Variants in METTL25 observed in about 807,000 individuals in gnomAD.
METTL25 encodes the protein probable methyltransferase-like protein 25.
A neutral mutation model predicts 71.6 loss-of-function variants in METTL25; 64 were observed. That is an observed-to-expected ratio of 0.89 (90% confidence interval 0.73 to 1.10). METTL25 has a LOEUF of 1.10. METTL25 is among the 50% of genes least tolerant of loss of function. The pLI is 0.00. For missense variants in METTL25, 807 were observed against 707.0 expected (o/e 1.14, Z -1.60); for synonymous variants, 287 against 250.3 (o/e 1.15, Z -1.38).
chr12:82,378,658 C>T (rs1201106152), intron 1 of METTL25, among the ~76,000 whole-genome samples: 1 of 152,116 alleles, frequency 6.6e-6, no homozygotes, highest in Non-Finnish European at 1.5e-5. Context: ...CTCAAAATCC[C>T]TTATTAGTAA....
chr12:82,384,900 C>CA (rs1381908963), intron 1 of METTL25, among the ~76,000 whole-genome samples: 1 of 152,108 alleles, frequency 6.6e-6, no homozygotes, highest in Non-Finnish European at 1.5e-5. Flanking sequence ...TACAAAATTG[C>CA]TGCCTTGGAG....
chr12:82,441,965 T>TAGG (rs1184414185), intron 8 of METTL25, among the ~76,000 whole-genome samples: 1 of 151,804 alleles, frequency 6.6e-6, no homozygotes, highest in African/African-American at 2.4e-5. Context: ...TAAGGCTGAG[T>TAGG]AGGAAACTAG....
intron 9 of METTL25, among the ~76,000 whole-genome samples, chr12:82,470,260 A>G (rs1892493778): frequency 6.6e-6 from 1 of 152,216 alleles, no homozygotes; most frequent in East Asian, 1.9e-4. Flanking sequence ...CAGTGAACCC[A>G]GGTTTTTATT....
chr12:82,413,081 C>A (rs910170422), intron 5 of METTL25, among the ~76,000 whole-genome samples: 4 of 151,902 alleles, frequency 2.6e-5, no homozygotes, highest in Admixed American at 2.6e-4. Context: ...TAATTCTTTT[C>A]GGTGACTCTC....
chr12:82,414,897 C>T (rs1177029154), intron 5 of METTL25, among the ~76,000 whole-genome samples: 1 of 152,036 alleles, frequency 6.6e-6, no homozygotes, highest in Non-Finnish European at 1.5e-5. Context: ...CATTATCATC[C>T]ATCTGACACA....
chr12:82,375,654 T>C (rs1883768290), intron 1 of METTL25, among the ~76,000 whole-genome samples: 1 of 152,214 alleles, frequency 6.6e-6, no homozygotes, highest in Non-Finnish European at 1.5e-5. Context: ...CTCTGGGCAG[T>C]AGGCTGAATT....
rs1881349711 is a variant in METTL25, at chr12:82,358,839, A to G, written c.259+15A>G. On this transcript the variant is annotated intron_variant, in intron 1 of 11. Coordinates refer to ENST00000248306, the MANE Select transcript of METTL25 (RefSeq NM_032230.3). Reference sequence around the variant, plus strand: ...GTGGGAAGCAGGTGGGTGGTGGGGTAGGCGGGGCGGGAAGGGAGGCGGAGG... The same window carrying G: ...GTGGGAAGCAGGTGGGTGGTGGGGTGGGCGGGGCGGGAAGGGAGGCGGAGG... 6.7e-7 allele frequency: 1 copy of G among 1,500,514 alleles called. No homozygotes were observed. The allele number at this position is 1,500,514 out of a possible 1,614,324, so 92.9% of individuals were successfully genotyped here. A position where few individuals can be genotyped will look rare whatever the true frequency, so the allele number is the denominator to read the frequency against.
chr12:82,381,423 T>C (rs1241331908), intron 1 of METTL25, among the ~76,000 whole-genome samples: 4 of 152,238 alleles, frequency 2.6e-5, no homozygotes, highest in Non-Finnish European at 5.9e-5. Context: ...CATGTCAATA[T>C]CTTGTTAATT....
At chr12:82,416,671 G>T (rs1279461254) in intron 5 of METTL25, among the ~76,000 whole-genome samples, 1 of 151,866 alleles carries the variant, frequency 6.6e-6, no homozygotes, top group Non-Finnish European at 1.5e-5. Context: ...GTTTCACTAT[G>T]TTGCTTATGC....
At chr12:82,369,425 G>A (rs557091049) in intron 1 of METTL25, 13 of 445,356 alleles carry the variant, frequency 2.9e-5, no homozygotes, top group South Asian at 1.3e-4. Flanking sequence ...ATGAAGCCAC[G>A]GACCTTTGCG....
chr12:82,369,837 G>T (rs941364262), intron 1 of METTL25, among the ~76,000 whole-genome samples: 2 of 151,914 alleles, frequency 1.3e-5, no homozygotes, highest in African/African-American at 4.8e-5. Flanking sequence ...TAATTGGTGC[G>T]TTTTTACAGA....
intron 1 of METTL25, among the ~76,000 whole-genome samples, chr12:82,376,548 C>T (rs1883875172): frequency 6.6e-6 from 1 of 152,218 alleles, no homozygotes; most frequent in Non-Finnish European, 1.5e-5. Context: ...AGTTTCACCA[C>T]AAGTGGCTCT....
rs147599926 is a variant in METTL25 at position 82,403,257 on chromosome 12, T to C, written c.1279+127T>C. On this transcript the variant is annotated intron_variant, in intron 5 of 11. Transcript: ENST00000248306. ...TTGGATCAGCATTTAAGATAACATC[T>C]GACTTACTTGCACTTTTAGTGTTAC... 6.5e-4 allele frequency: 535 copies of C among 828,270 alleles called. 1 individual carries two copies. The highest frequency in any genetic ancestry group is 2.2e-3 in the Admixed American group (73 of 33,192). The allele number at this position is 828,270 out of a possible 1,614,324, so 51.3% of individuals were successfully genotyped here.
intron 4 of METTL25, among the ~76,000 whole-genome samples, chr12:82,400,820 A>T (rs1003005565): frequency 6.6e-6 from 1 of 152,150 alleles, no homozygotes; most frequent in African/African-American, 2.4e-5. Flanking sequence ...GTAGGATAAT[A>T]TGGTGACTAC....
At chr12:82,372,316 G>A (rs1592595323) in intron 1 of METTL25, among the ~76,000 whole-genome samples, 2 of 152,252 alleles carry the variant, frequency 1.3e-5, no homozygotes, top group South Asian at 4.2e-4. Flanking sequence ...ATAGCCTGGG[G>A]ATTTTTGTGG....
At chr12:82,421,055 T>A (rs1379547540) in intron 5 of METTL25, among the ~76,000 whole-genome samples, 1 of 152,116 alleles carries the variant, frequency 6.6e-6, no homozygotes, top group Non-Finnish European at 1.5e-5. Flanking sequence ...ACAGACGGGG[T>A]TTCGCCATGT....
chr12:82,468,160 C>T (rs994166863), intron 9 of METTL25, among the ~76,000 whole-genome samples: 28 of 151,922 alleles, frequency 1.8e-4, no homozygotes, highest in Non-Finnish European at 2.9e-4. Flanking sequence ...TTAAAATAAC[C>T]CAGCAGAAAA....
chr12:82,387,784 C>T (rs1391662319), intron 2 of METTL25, among the ~76,000 whole-genome samples: 1 of 152,028 alleles, frequency 6.6e-6, no homozygotes, highest in East Asian at 1.9e-4. Context: ...GCATTTTACT[C>T]TCAAATACTT....
At chr12:82,454,547 G>T (rs1891353219) in intron 8 of METTL25, among the ~76,000 whole-genome samples, 1 of 151,914 alleles carries the variant, frequency 6.6e-6, no homozygotes, top group Admixed American at 6.6e-5. Context: ...TAAAGAAAAA[G>T]TCTTATATAG....
Sources: gnomAD v4.1 joint callset for allele counts (sites outside exome capture counted in the v4.1 genomes callset) on GRCh38, gnomAD v4.1.1 for gene constraint, MANE v1.5 for transcripts, NCBI Gene and HGNC (gene_info 2026-07-23, HGNC 2026-07-21) for gene names.